The following NTSR1 variants were observed in gnomAD, a reference collection of about 807,000 sequenced individuals.
NTSR1 encodes neurotensin receptor 1, also known as neurotensin receptor type 1.
In NTSR1, 29 loss-of-function variants were observed where a neutral mutation model predicts 31.2. That is an observed-to-expected ratio of 0.93 (90% CI 0.69 to 1.27). NTSR1 has a LOEUF of 1.27. NTSR1 is among the 50% of genes most tolerant of loss of function. NTSR1 has a pLI of 0.00. For missense variants in NTSR1, 697 were observed against 595.4 expected (o/e 1.17, Z -1.78); for synonymous variants, 282 against 269.9 (o/e 1.04, Z -0.44).
intron 1 of NTSR1, among the ~76,000 whole-genome samples, chr20:62,738,909 C>T (rs1480170817): frequency 5.3e-5 from 8 of 152,188 alleles, no homozygotes; most frequent in Non-Finnish European, 7.3e-5. Context: ...GGTCACTCAG[C>T]GAGGCCAAAA....
intron 1 of NTSR1, among the ~76,000 whole-genome samples, chr20:62,737,327 G>A (rs1318071661): frequency 6.6e-6 from 1 of 152,160 alleles, no homozygotes; most frequent in East Asian, 1.9e-4. Flanking sequence ...TCCGGCCCAC[G>A]AAGCCACAGT....
intron 1 of NTSR1, among the ~76,000 whole-genome samples, chr20:62,724,016 G>T (rs553175619): frequency 6.6e-6 from 1 of 152,232 alleles, no homozygotes; most frequent in African/African-American, 2.4e-5. Context: ...CTGCCCAGTG[G>T]CTTCAACCAG....
intron 1 of NTSR1, among the ~76,000 whole-genome samples, chr20:62,729,889 C>A (rs1316914531): frequency 1.3e-5 from 2 of 152,120 alleles, no homozygotes; most frequent in African/African-American, 4.8e-5. Context: ...TCCCAAAGTG[C>A]TGGGATGACA....
chr20:62,712,906 C>A (rs1988644293), intron 1 of NTSR1, among the ~76,000 whole-genome samples: 1 of 152,220 alleles, frequency 6.6e-6, no homozygotes, highest in Non-Finnish European at 1.5e-5. Context: ...GGTGGGTCAT[C>A]AGAGTCCCAT....
At chr20:62,735,902 C>G (rs1341790928) in intron 1 of NTSR1, among the ~76,000 whole-genome samples, 1 of 152,242 alleles carries the variant, frequency 6.6e-6, no homozygotes, top group Non-Finnish European at 1.5e-5. Context: ...CCTTACCCTC[C>G]AATTCCTCAC....
Position 62,714,722 on chromosome 20 carries a change from A to T in NTSR1, c.714+4801A>T, listed in dbSNP as rs549872886. On this transcript the variant is annotated intron_variant, in intron 1 of 3. Transcript: ENST00000370501. The surrounding 1 kb of genome is among the most constrained non-coding windows in gnomAD (Gnocchi z 4.1). ...AACCCAGACCACAAGAAACAGCTCC[A>T]AATAAACAACTCGTTCTGTTCTACA... Among the ~76,000 whole-genome samples, 25 of 152,326 alleles carry T rather than the reference A, an allele frequency of 1.6e-4. No homozygotes were observed. In the South Asian group the frequency reaches 5.2e-3, roughly 32 times the overall value.
rs1471331662 is a variant in NTSR1, at chr20:62,733,158, T to C, written c.715-21527T>C. ...AGTGAAGTAAATGTCATCGGCAGTG[T>C]GTAGACGTTCTTTCGGAAGAAGATC... On this transcript the variant is annotated intron_variant, in intron 1 of 3. Transcript: ENST00000370501. The surrounding 1 kb of genome is among the most constrained non-coding windows in gnomAD (Gnocchi z 5.2). The C allele has an allele frequency of 7.0e-6, 1 of 142,192 alleles. No homozygotes were observed. Among genetic ancestry groups the C allele is most frequent in the East Asian group, 2.0e-4 (1 of 4,996 alleles). The allele number at this position is 142,192 out of a possible 1,614,324, so 8.8% of individuals were successfully genotyped here.
chr20:62,762,150 C>T lies in NTSR1; in HGVS notation c.*1883C>T, dbSNP rs1989636648. On this transcript the variant is annotated 3_prime_UTR_variant, in exon 4 of 4. Transcript: ENST00000370501. ...TCAGAGTCTAGCAAATGCTAAGGCC[C>T]CTCAGGCTGGGCTCTGAACGAGGAC... 6.6e-6 allele frequency: 1 copy of T among 152,290 alleles called. No individual in the cohort carries two copies. Among genetic ancestry groups the T allele is most frequent in the African/African-American group, 2.4e-5 (1 of 41,454 alleles). The allele number at this position is 152,290 out of a possible 1,614,324, so 9.4% of individuals were successfully genotyped here.
intron 1 of NTSR1, among the ~76,000 whole-genome samples, chr20:62,723,534 T>G (rs961671531): frequency 1.5e-4 from 23 of 151,980 alleles, no homozygotes; most frequent in African/African-American, 4.8e-4. Context: ...CTGTCGGGGG[T>G]CACTATTTAT....
At chr20:62,755,081 TATCCTTCCCTCCCTCCATCCATCC>T (rs1989461973) in intron 2 of NTSR1, among the ~76,000 whole-genome samples, 195 bp downstream of exon 2, 4 of 140,390 alleles carry the variant, frequency 2.8e-5, no homozygotes, top group Admixed American at 2.1e-4. Context: ...TCCTTCCATC[TATCCTTCCCTCCCTCCATCCATCC>T]ATCCTTCCCT....
In NTSR1 at chr20:62,744,092, C is replaced by T. The variant is rs1055662529; in HGVS notation, c.715-10593C>T. 1.5e-4 allele frequency among the ~76,000 whole-genome samples: 23 copies of T among 152,212 alleles called. No individual in the cohort carries two copies. The highest frequency in any genetic ancestry group is 5.9e-5 in the Non-Finnish European group (4 of 68,028). ...CACATGCGAGGGGGCAGAGGCCAGG[C>T]TGTCCCTCCCATAGGTCCAGCCCCA... On this transcript the variant is annotated intron_variant, in intron 1 of 3. Transcript: ENST00000370501. The surrounding 1 kb of genome is among the most constrained non-coding windows in gnomAD (Gnocchi z 4.1).
At chr20:62,731,171 G>A (rs1320163610) in intron 1 of NTSR1, among the ~76,000 whole-genome samples, 2 of 152,016 alleles carry the variant, frequency 1.3e-5, no homozygotes, top group Non-Finnish European at 2.9e-5. Flanking sequence ...CACAACCTCC[G>A]CCTCCCGGGT....
In NTSR1 at chr20:62,731,384, G is replaced by A. The variant is rs181104216; in HGVS notation, c.714+21463G>A. Among the ~76,000 whole-genome samples the A allele has an allele frequency of 3.0e-3, 452 of 152,150 alleles. 4 individuals carry two copies. Among genetic ancestry groups the A allele is most frequent in the African/African-American group, 0.011 (439 of 41,504 alleles). ...CAAGTGTGAGCCACCACGCCCAGCC[G>A]TGTAATTTCTTAATTTTAATGAAGT... On this transcript the variant is annotated intron_variant, in intron 1 of 3. Transcript: ENST00000370501.
At position 62,709,339 on chromosome 20, in the gene NTSR1, G is replaced by T; in HGVS notation, c.132G>T (p.Glu44Asp). 6.2e-7 allele frequency: 1 copy of T among 1,609,456 alleles called. No homozygotes were observed. ...GCAACGCTTCGGGCAACGCGTCGGA[G>T]CGCGTCCTGGCGGCACCCAGCAGCG... ...GFGNASGNAS[E>D]RVLAAPSSEL... Residue 44 changes from glutamate to aspartate, a missense_variant, in exon 1 of 4, where the codon GAG becomes GAT. Physicochemically the swap from Glu to Asp is conservative, Grantham distance 45. Coordinates refer to ENST00000370501, the MANE Select transcript of NTSR1 (RefSeq NM_002531.3).
In NTSR1 at chr20:62,762,027, A is replaced by T. The variant is rs1305633082; in HGVS notation, c.*1760A>T. The T allele has an allele frequency of 2.0e-5, 3 of 152,304 alleles. No individual in the cohort carries two copies. The highest frequency in any genetic ancestry group is 6.5e-5 in the Admixed American group (1 of 15,282). The allele number at this position is 152,304 out of a possible 1,614,324, so 9.4% of individuals were successfully genotyped here. Reference sequence around the variant, plus strand: ...ACAGAGGGGCCTTCCTCCCCCACAGAGCCCCCATGACATAGTCTGCTCTGG... The same window carrying T: ...ACAGAGGGGCCTTCCTCCCCCACAGTGCCCCCATGACATAGTCTGCTCTGG... On this transcript the variant is annotated 3_prime_UTR_variant, in exon 4 of 4. Coordinates refer to ENST00000370501, the MANE Select transcript of NTSR1 (RefSeq NM_002531.3).
intron 1 of NTSR1, among the ~76,000 whole-genome samples, chr20:62,731,675 T>C (rs573314912): frequency 1.9e-4 from 29 of 152,242 alleles, no homozygotes; most frequent in Non-Finnish European, 2.9e-4. Flanking sequence ...TGGATGTCAG[T>C]TGTTCCAGCA....
intron 1 of NTSR1, among the ~76,000 whole-genome samples, chr20:62,716,101 G>A (rs79078507): frequency 3.3e-5 from 5 of 152,312 alleles, no homozygotes; most frequent in South Asian, 2.1e-4. Flanking sequence ...GTTGAGCGGC[G>A]TGAAGCACGT....
intron 1 of NTSR1, among the ~76,000 whole-genome samples, chr20:62,720,068 G>A (rs1335685841): frequency 4.6e-5 from 7 of 152,220 alleles, no homozygotes; most frequent in African/African-American, 1.4e-4. Context: ...GGGAGGCCAA[G>A]GAGGGTGGAT....
Position 62,745,308 on chromosome 20 carries a change from CA to C in NTSR1, c.715-9376del, listed in dbSNP as rs1989280701. 6.6e-6 allele frequency among the ~76,000 whole-genome samples: 1 copy of C among 151,370 alleles called. No individual in the cohort carries two copies. The highest frequency in any genetic ancestry group is 1.5e-5 in the Non-Finnish European group (1 of 67,876). ...AGAGAAACAGACACATAGAGGAAAA[CA>C]GACACAGGGAGACACAGAGACAGAG... is the stretch of plus-strand genomic sequence containing the variant. On this transcript the variant is annotated intron_variant, in intron 1 of 3. Transcript: ENST00000370501. This position sits in a 1 kb window ranked among gnomAD's most constrained non-coding sequence, Gnocchi z 4.1.
Sources: allele counts gnomAD v4.1 joint callset (sites outside exome capture counted in the v4.1 genomes callset), GRCh38; gene constraint gnomAD v4.1.1; non-coding constraint Gnocchi (gnomAD v3.1); transcripts MANE v1.5; gene names NCBI Gene and HGNC (gene_info 2026-07-23, HGNC 2026-07-21).